The following ZDHHC2 variants were observed in gnomAD, a reference collection of about 807,000 sequenced individuals.
The protein encoded by ZDHHC2 is zDHHC palmitoyltransferase 2.
A neutral mutation model predicts 55.6 loss-of-function variants in ZDHHC2; 51 were observed. The ratio of observed to expected loss-of-function variants is 0.92; its 90% CI spans 0.73 to 1.16. The LOEUF is 1.16. ZDHHC2 is among the 50% of genes most tolerant of loss of function. The pLI, the probability that ZDHHC2 is intolerant of heterozygous loss-of-function variation, is 0.00. For synonymous variants in ZDHHC2, 199 were observed against 152.9 expected (o/e 1.30, Z -2.22); for missense variants, 491 against 442.4 (o/e 1.11, Z -0.99).
chr8:17,169,307 A>C (rs958130507), intron 1 of ZDHHC2, among the ~76,000 whole-genome samples: 1 of 151,444 alleles, frequency 6.6e-6, no homozygotes, highest in Non-Finnish European at 1.5e-5. Flanking sequence ...GGGATTGTGA[A>C]GAATCCCATG....
At position 17,217,201 on chromosome 8, in the gene ZDHHC2, A is replaced by G; in HGVS notation, c.1093A>G (p.Asn365Asp). 2 of 1,611,166 alleles carry G rather than the reference A, an allele frequency of 1.2e-6. No homozygotes were observed. Among genetic ancestry groups the G allele is most frequent in the Non-Finnish European group, 1.7e-6 (2 of 1,178,454 alleles). The change falls in exon 12 of 13, where the codon AAT becomes GAT. Residue 365 changes from asparagine to aspartate, a missense_variant. By Grantham distance (23) the Asn-to-Asp change is conservative. Transcript: ENST00000262096. ...GAGCAATCCTGCATTAACCATGGAA[A>G]ATGAGACTTAACTCTTCAAGCAAGA... Reference protein sequence around the residue: ...GMSNPALTMENET With the variant: ...GMSNPALTMEDET
intron 3 of ZDHHC2, 78 bp downstream of exon 3, chr8:17,186,503 T>A: frequency 1.1e-6 from 1 of 873,412 alleles, no homozygotes; most frequent in South Asian, 2.3e-5. Context: ...ACGAATTTTA[T>A]TTTAATGTTG....
intron 5 of ZDHHC2, 83 bp from the exon 6 acceptor site, chr8:17,198,298 C>G (rs1326731483): frequency 4.6e-6 from 6 of 1,315,102 alleles, no homozygotes; most frequent in Non-Finnish European, 6.1e-6. Context: ...GCTGTTTGAA[C>G]TAACCATAAT....
intron 11 of ZDHHC2, 41 bp from the exon 12 acceptor site, chr8:17,217,131 C>G (rs3213600): frequency 0.25 from 402,287 of 1,599,908 alleles, 54,028 homozygotes; most frequent in East Asian, 0.45. Context: ...CCTATTTGTT[C>G]AAAAGCAACC....
In ZDHHC2 at chr8:17,210,069, G is replaced by T. The variant is rs60622169; in HGVS notation, c.857+11G>T. 654 of 1,581,570 alleles carry T rather than the reference G, an allele frequency of 4.1e-4. 2 individuals carry two copies. In the African/African-American group the frequency reaches 8.1e-3, roughly 19 times the overall value. ...ACCCATTTTTTCAAGGTACTTCTTT[G>T]TTAAAATTTTCAGGCTTTAAACTAA... On this transcript the variant is annotated intron_variant, in intron 9 of 12. Coordinates refer to ENST00000262096, the MANE Select transcript of ZDHHC2 (RefSeq NM_016353.5).
intron 4 of ZDHHC2, among the ~76,000 whole-genome samples, chr8:17,195,939 A>G (rs1806285202): frequency 6.6e-6 from 1 of 152,180 alleles, no homozygotes; most frequent in African/African-American, 2.4e-5. Flanking sequence ...TAAGGTTTTA[A>G]TTGTAGACTT....
chr8:17,168,119 G>A (rs1804692020), intron 1 of ZDHHC2, among the ~76,000 whole-genome samples: 2 of 152,084 alleles, frequency 1.3e-5, no homozygotes. Flanking sequence ...TACTCTCCAA[G>A]ACCCTTGGAG....
chr8:17,199,509 T>TTCTTGTTCTTCGTCTTCG (rs1806541117), intron 6 of ZDHHC2, among the ~76,000 whole-genome samples: 1 of 121,116 alleles, frequency 8.3e-6, no homozygotes, highest in Non-Finnish European at 1.6e-5. Context: ...CTTCTTCTTC[T>TTCTTGTTCTTCGTCTTCG]TCTTCGTCTT....
chr8:17,210,898 T>C (rs937052457), intron 10 of ZDHHC2, among the ~76,000 whole-genome samples: 3 of 152,162 alleles, frequency 2.0e-5, no homozygotes, highest in Non-Finnish European at 4.4e-5. Flanking sequence ...GGAGATCAAA[T>C]GGACCCCCAG....
intron 3 of ZDHHC2, among the ~76,000 whole-genome samples, chr8:17,187,180 A>G (rs1320747779): frequency 2.0e-5 from 3 of 152,212 alleles, no homozygotes; most frequent in African/African-American, 7.2e-5. Flanking sequence ...GGTTACTGAG[A>G]GACAACTAGC....
At chr8:17,212,173 C>T (rs1807419622) in intron 10 of ZDHHC2, among the ~76,000 whole-genome samples, 1 of 152,088 alleles carries the variant, frequency 6.6e-6, no homozygotes, top group African/African-American at 2.4e-5. Flanking sequence ...TCTCTTTCTT[C>T]TGCGGAATTC....
At chr8:17,206,909 C>T (rs1223768471) in intron 7 of ZDHHC2, among the ~76,000 whole-genome samples, 1 of 152,092 alleles carries the variant, frequency 6.6e-6, no homozygotes, top group Non-Finnish European at 1.5e-5. Context: ...TACTGTGTGC[C>T]AATTCTATTG....
intron 1 of ZDHHC2, among the ~76,000 whole-genome samples, chr8:17,174,172 T>C (rs1011089537): frequency 6.6e-6 from 1 of 151,444 alleles, no homozygotes; most frequent in Non-Finnish European, 1.5e-5. Flanking sequence ...TCGTGCTGCC[T>C]CGACCACCCA....
chr8:17,212,187 T>C (rs949142580), intron 10 of ZDHHC2, among the ~76,000 whole-genome samples: 6 of 152,296 alleles, frequency 3.9e-5, no homozygotes, highest in African/African-American at 1.2e-4. Context: ...GGAATTCTAC[T>C]ATCTCCCATG....
At chr8:17,182,139 A>G (rs893248897) in intron 1 of ZDHHC2, among the ~76,000 whole-genome samples, 19 of 152,322 alleles carry the variant, frequency 1.2e-4, no homozygotes, top group African/African-American at 4.1e-4. Flanking sequence ...AAACTTTGAT[A>G]ATGTTACTTA....
chr8:17,217,351 A>G (rs1054208159), intron 12 of ZDHHC2, 105 bp downstream of exon 12: 24 of 844,772 alleles, frequency 2.8e-5, no homozygotes, highest in African/African-American at 2.4e-4. Flanking sequence ...AGTGATTCAT[A>G]TAGAAGATCT....
chr8:17,189,217 C>T (rs2023627), intron 3 of ZDHHC2, among the ~76,000 whole-genome samples: 120,091 of 148,202 alleles, frequency 0.81, 49,318 homozygotes, highest in Non-Finnish European at 0.88. Context: ...AATCTCTCAC[C>T]TTTTTGATGT....
At chr8:17,192,265 C>T (rs1806073863) in intron 3 of ZDHHC2, among the ~76,000 whole-genome samples, 1 of 152,168 alleles carries the variant, frequency 6.6e-6, no homozygotes, top group Non-Finnish European at 1.5e-5. Flanking sequence ...GGATTATAAG[C>T]ATGAGCCACT....
intron 1 of ZDHHC2, among the ~76,000 whole-genome samples, chr8:17,177,703 G>A (rs2705182): frequency 0.99 from 150,682 of 152,166 alleles, 74,634 homozygotes; most frequent in Middle Eastern, 1. Context: ...TGGCTATAAA[G>A]TTATCCTTCA....
Sources: allele counts gnomAD v4.1 joint callset (sites outside exome capture counted in the v4.1 genomes callset), GRCh38; gene constraint gnomAD v4.1.1; transcripts MANE v1.5; gene names NCBI Gene and HGNC (gene_info 2026-07-23, HGNC 2026-07-21).